The following PTPRD variants were observed in gnomAD, a reference collection of about 807,000 sequenced individuals.
PTPRD encodes receptor-type tyrosine-protein phosphatase delta.
A neutral mutation model predicts 214.5 loss-of-function variants in PTPRD; 34 were observed. The ratio of observed to expected loss-of-function variants is 0.16; its 90% CI spans 0.12 to 0.21. The LOEUF is 0.21. PTPRD is among the 10% of genes least tolerant of loss of function. The pLI, the probability that PTPRD is intolerant of heterozygous loss-of-function variation, is 1.00. For missense variants in PTPRD, 2,545 were observed against 2,398.7 expected (o/e 1.06, Z -1.27); for synonymous variants, 1,128 against 845.7 (o/e 1.33, Z -5.79).
Position 8,340,438 on chromosome 9 carries a change from GC to G in PTPRD, c.5157del (p.Leu1721TrpfsTer19). On this transcript the variant is annotated frameshift_variant, in exon 42 of 46. Transcript: ENST00000381196. LOFTEE classifies it high-confidence loss of function. ...AAGTCTTCAGTGGTCTCTGCCAAGG[GC>G]CCCTGGGTAGCGATGTAGGCTTTCT... Reference protein sequence around the residue: ...RQQKAYIATQGPLAETTEDFW... With the variant: ...RQQKAYIATQXPLAETTEDFW... The G allele has an allele frequency of 6.2e-7, 1 of 1,606,302 alleles. No individual in the cohort carries two copies.
chr9:10,035,773 T>G (rs1567225015), intron 3 of PTPRD, among the ~76,000 whole-genome samples: 1 of 151,968 alleles, frequency 6.6e-6, no homozygotes, highest in East Asian at 1.9e-4. Flanking sequence ...TCCTTATTCA[T>G]GAAATTCCTT....
At chr9:10,280,152 GA>G (rs150492101) in intron 3 of PTPRD, among the ~76,000 whole-genome samples, 4,955 of 152,054 alleles carry the variant, frequency 0.033, 285 homozygotes, top group African/African-American at 0.11. Flanking sequence ...GAAAAGCCTA[GA>G]TTTTTTTTGA....
At chr9:8,486,592 A>G in intron 27 of PTPRD, 1 of 651,788 alleles carries the variant, frequency 1.5e-6, no homozygotes, top group East Asian at 2.9e-5. Flanking sequence ...TCATTGAAAC[A>G]ACAGCTTAAG....
intron 4 of PTPRD, among the ~76,000 whole-genome samples, chr9:9,964,562 G>A (rs1024172284): frequency 2.6e-5 from 4 of 152,174 alleles, no homozygotes; most frequent in Non-Finnish European, 5.9e-5. Context: ...AAATCCTCTT[G>A]ACGTGGGTTA....
At chr9:8,484,922 C>A (rs1285128779) in intron 29 of PTPRD, among the ~76,000 whole-genome samples, 6 of 152,180 alleles carry the variant, frequency 3.9e-5, no homozygotes, top group Non-Finnish European at 8.8e-5. Context: ...AGGTAGAAAC[C>A]ATGTAAATTT....
Position 8,375,150 on chromosome 9 carries a change from T to C in PTPRD, c.4661+786A>G, listed in dbSNP as rs188670704. On this transcript the variant is annotated intron_variant, in intron 39 of 45. Transcript: ENST00000381196. ...AAATTATATGCACTATACATTTATA[T>C]AGTAATAAATAGACTCTGACCAGAT... is the stretch of plus-strand genomic sequence containing the variant. Among the ~76,000 whole-genome samples, 486 of 152,076 alleles carry C rather than the reference T, an allele frequency of 3.2e-3. 6 individuals carry two copies. The highest frequency in any genetic ancestry group is 0.011 in the African/African-American group (454 of 41,514).
At chr9:9,254,131 A>C (rs1457861141) in intron 9 of PTPRD, among the ~76,000 whole-genome samples, 1 of 152,132 alleles carries the variant, frequency 6.6e-6, no homozygotes, top group Non-Finnish European at 1.5e-5. Flanking sequence ...TCTTCTAAGC[A>C]AAGACTTTTT....
chr9:10,563,088 G>T (rs1408969791), intron 2 of PTPRD, among the ~76,000 whole-genome samples: 1 of 152,150 alleles, frequency 6.6e-6, no homozygotes, highest in Non-Finnish European at 1.5e-5. Context: ...CCTAGGGCAT[G>T]ATATCTGTGT....
intron 9 of PTPRD, among the ~76,000 whole-genome samples, chr9:9,378,434 C>T (rs754402503): frequency 1.2e-4 from 18 of 152,242 alleles, no homozygotes; most frequent in Non-Finnish European, 2.6e-4. Context: ...TGAAAGACAA[C>T]TTGATTGCTT....
intron 2 of PTPRD, among the ~76,000 whole-genome samples, chr9:10,466,699 A>C (rs1365800817): frequency 6.6e-6 from 1 of 152,058 alleles, no homozygotes; most frequent in Non-Finnish European, 1.5e-5. Flanking sequence ...TGAAAATCAG[A>C]AATGTAAAGC....
intron 3 of PTPRD, among the ~76,000 whole-genome samples, chr9:10,292,736 C>T (rs181341813): frequency 1.1e-4 from 17 of 151,492 alleles, no homozygotes; most frequent in East Asian, 5.8e-4. Flanking sequence ...TTTAACTTTC[C>T]GGCACTCTCC....
chr9:9,872,005 G>A (rs1372339266), intron 5 of PTPRD, among the ~76,000 whole-genome samples: 2 of 152,098 alleles, frequency 1.3e-5, no homozygotes, highest in Non-Finnish European at 2.9e-5. Flanking sequence ...AAATTCAAGA[G>A]TAAGCATTAG....
At chr9:8,475,827 C>T (rs1419827462) in intron 30 of PTPRD, among the ~76,000 whole-genome samples, 1 of 152,192 alleles carries the variant, frequency 6.6e-6, no homozygotes. Flanking sequence ...TGCCACTCTT[C>T]TGGCCTCATT....
intron 9 of PTPRD, among the ~76,000 whole-genome samples, chr9:9,290,075 A>G (rs1018795984): frequency 1.1e-4 from 17 of 151,768 alleles, no homozygotes; most frequent in African/African-American, 4.1e-4. Context: ...ATTCCCACCA[A>G]TGGTATACAA....
chr9:9,318,382 T>G (rs1964550610), intron 9 of PTPRD, among the ~76,000 whole-genome samples: 1 of 152,136 alleles, frequency 6.6e-6, no homozygotes, highest in Non-Finnish European at 1.5e-5. Flanking sequence ...TGACTGATAT[T>G]TTTTAAAGTC....
chr9:10,312,904 AGAAC>A (rs902221495), intron 3 of PTPRD, among the ~76,000 whole-genome samples: 71 of 152,086 alleles, frequency 4.7e-4, no homozygotes, highest in African/African-American at 1.7e-3. Flanking sequence ...CTTTTTGTGA[AGAAC>A]GAACACATTC....
At chr9:9,875,267 C>T (rs1332014985) in intron 5 of PTPRD, among the ~76,000 whole-genome samples, 1 of 152,078 alleles carries the variant, frequency 6.6e-6, no homozygotes, top group Admixed American at 6.5e-5. Flanking sequence ...CAAAATTACA[C>T]ATCACTAATA....
chr9:9,640,157 G>C (rs547698511), intron 7 of PTPRD, among the ~76,000 whole-genome samples: 8 of 152,204 alleles, frequency 5.3e-5, no homozygotes, highest in East Asian at 1.9e-4. Flanking sequence ...TGTGGTGTTG[G>C]GCAAAATAAA....
intron 4 of PTPRD, among the ~76,000 whole-genome samples, chr9:9,962,047 C>A (rs545836572): frequency 6.6e-6 from 1 of 152,002 alleles, no homozygotes; most frequent in East Asian, 1.9e-4. Flanking sequence ...CCCATAGAAA[C>A]AAGTATAAGC....
Sources: allele counts gnomAD v4.1 joint callset (sites outside exome capture counted in the v4.1 genomes callset), GRCh38; gene constraint gnomAD v4.1.1; transcripts MANE v1.5; gene names NCBI Gene and HGNC (gene_info 2026-07-23, HGNC 2026-07-21).